ZNF615: variants seen among roughly 807,000 people sequenced by gnomAD.
ZNF615 encodes zinc finger protein 615.
ZNF615 carries 15 observed loss-of-function variants against 15.3 expected under a neutral mutation model. The ratio of observed to expected loss-of-function variants is 0.98; its 90% CI spans 0.66 to 1.51. The LOEUF is 1.51. Ranked by LOEUF, ZNF615 falls within the 40% of genes most tolerant of loss-of-function variation. ZNF615 has a pLI of 0.00. For synonymous variants in ZNF615, 268 were observed against 294.6 expected (o/e 0.91, Z 0.92); for missense variants, 848 against 895.9 (o/e 0.95, Z 0.68).
At position 51,991,935 on chromosome 19, in the gene ZNF615, T is replaced by C. The variant is rs2086246052; in HGVS notation, c.*945A>G. 6.6e-6 allele frequency: 1 copy of C among 152,108 alleles called. No individual in the cohort carries two copies. The highest frequency in any genetic ancestry group is 2.1e-4 in the South Asian group (1 of 4,822). 9.4% of individuals were successfully genotyped at this position (152,108 alleles called of 1,614,324 possible). A position where few individuals can be genotyped will look rare whatever the true frequency, so the allele number is the denominator to read the frequency against. ...AACTCTGGAATATTTTGGTAAGATT[T>C]TGTGAATCTAAACTTATTTCAAAAT... On this transcript the variant is annotated 3_prime_UTR_variant, in exon 7 of 7. Transcript: ENST00000598071.
rs35791043 is a variant in ZNF615 at position 51,992,433 on chromosome 19, G to GT, written c.*446dup. 0.39 allele frequency: 60,171 copies of GT among 153,948 alleles called. 13,128 individuals carry two copies. The highest frequency in any genetic ancestry group is 0.58 in the African/African-American group (24,102 of 41,396). 9.5% of individuals were successfully genotyped at this position (153,948 alleles called of 1,614,324 possible). On this transcript the variant is annotated 3_prime_UTR_variant, in exon 7 of 7. Transcript: ENST00000598071. ...TCTTCTACATTGAATGTTTTCATAA[G>GT]TTTTTTCTGCATTATTTCCTAGCAC...
intron 1 of ZNF615, chr19:52,007,820 GACA>G (rs2086797919): frequency 3.0e-6 from 1 of 335,016 alleles, no homozygotes; most frequent in Non-Finnish European, 5.5e-6. Flanking sequence ...CCCGCCAAAG[GACA>G]ACACCAAAGA....
At chr19:51,999,768 G>A (rs1224018487) in intron 6 of ZNF615, among the ~76,000 whole-genome samples, 3 of 152,206 alleles carry the variant, frequency 2.0e-5, no homozygotes. Flanking sequence ...ATGTCTGATG[G>A]TTTGGGCTAG....
chr19:52,006,610 G>T (rs904402558), intron 2 of ZNF615, among the ~76,000 whole-genome samples: 13 of 152,168 alleles, frequency 8.5e-5, no homozygotes, highest in African/African-American at 3.1e-4. Context: ...TAGAGGAATG[G>T]TACTTATGTC....
At position 51,994,521 on chromosome 19, in the gene ZNF615, A is replaced by C; in HGVS notation, c.588T>G (p.Pro196=). 1.2e-6 allele frequency: 2 copies of C among 1,614,180 alleles called. No individual in the cohort carries two copies. The highest frequency in any genetic ancestry group is 1.7e-6 in the Non-Finnish European group (2 of 1,180,022). Residue 196 remains proline (P), a synonymous_variant, in exon 7 of 7, where the codon CCT becomes CCG. Transcript: ENST00000598071. The part of the protein sequence containing the change: ...TEMKFPAIAK[P]INKSQFIKQQ... ...GCTTAATGAACTGGGACTTATTAAT[A>C]GGTTTTGCAATTGCAGGAAACTTCA...
chr19:52,005,844 T>C (rs968086624), intron 2 of ZNF615, among the ~76,000 whole-genome samples: 2 of 152,214 alleles, frequency 1.3e-5, no homozygotes, highest in Non-Finnish European at 2.9e-5. Context: ...AGATGACTTT[T>C]GAATATAAGG....
Position 52,003,878 on chromosome 19 carries a change from C to A in ZNF615, c.-167G>T. The A allele has an allele frequency of 6.9e-7, 1 of 1,440,956 alleles. No homozygotes were observed. 89.3% of individuals were successfully genotyped at this position (1,440,956 alleles called of 1,614,324 possible). On this transcript the variant is annotated 5_prime_UTR_variant, in exon 3 of 7. It introduces an in-frame stop codon into an upstream open reading frame of the 5' UTR. Coordinates refer to ENST00000598071, the MANE Select transcript of ZNF615 (RefSeq NM_001199324.2). ...TCCGCCTCCTTCCTTCACTTGATTT[C>A]TCTTGTTCTCAGCACCTGTGGGCTG...
chr19:51,992,877 T>C lies in ZNF615; in HGVS notation c.*3A>G, dbSNP rs2086273662. On this transcript the variant is annotated 3_prime_UTR_variant, in exon 7 of 7. Transcript: ENST00000598071. ...CATCTGGCAAGAGGCTTTCCCAAAA[T>C]GACTACCTGTGAATTCTCCTGTGTT... is the stretch of plus-strand genomic sequence containing the variant. The C allele has an allele frequency of 3.7e-6, 6 of 1,612,426 alleles. No individual in the cohort carries two copies. The highest frequency in any genetic ancestry group is 5.1e-6 in the Non-Finnish European group (6 of 1,178,696).
intron 6 of ZNF615, among the ~76,000 whole-genome samples, chr19:51,997,977 T>C (rs2086489728): frequency 6.6e-6 from 1 of 152,248 alleles, no homozygotes; most frequent in Non-Finnish European, 1.5e-5. Context: ...TTTTTATCTT[T>C]GATGATTTTA....
intron 5 of ZNF615, among the ~76,000 whole-genome samples, chr19:52,001,486 TAC>T (rs1299302409): frequency 6.6e-6 from 1 of 151,618 alleles, no homozygotes; most frequent in African/African-American, 2.4e-5. Flanking sequence ...GGCGTGGTGG[TAC>T]GCACCTGTAG....
In ZNF615 at chr19:51,992,895, C is replaced by T. The variant is rs766508685; in HGVS notation, c.2214G>A (p.Arg738=). 6.2e-7 allele frequency: 1 copy of T among 1,613,902 alleles called. No individual in the cohort carries two copies. The highest frequency in any genetic ancestry group is 1.1e-5 in the South Asian group (1 of 91,062). ...CCCAAAATGACTACCTGTGAATTCT[C>T]CTGTGTTTAACAAGGATAGACAAGT... The part of the protein sequence containing the change: ...FAHLSILVKH[R]RIHR The change falls in exon 7 of 7, where the codon AGG becomes AGA. Residue 738 remains arginine, a synonymous_variant. Coordinates refer to ENST00000598071, the MANE Select transcript of ZNF615 (RefSeq NM_001199324.2).
rs768190664 is a variant in ZNF615 at position 52,002,295 on chromosome 19, C to T, written c.16-14G>A. 3.7e-6 allele frequency: 6 copies of T among 1,613,894 alleles called. No homozygotes were observed. The highest frequency in any genetic ancestry group is 5.1e-6 in the Non-Finnish European group (6 of 1,179,816). ...TGTTAGGGATTCCTGTAATAACACA[C>T]TTCTGTTTAATGAAGTCATATTCTT... On this transcript the variant is annotated splice_polypyrimidine_tract_variant and intron_variant, in intron 3 of 6. Transcript: ENST00000598071.
At position 52,001,861 on chromosome 19, in the gene ZNF615, C is replaced by T; in HGVS notation, c.190G>A (p.Glu64Lys). The T allele has an allele frequency of 1.2e-6, 2 of 1,614,184 alleles. No individual in the cohort carries two copies. Among genetic ancestry groups the T allele is most frequent in the Non-Finnish European group, 1.7e-6 (2 of 1,180,034 alleles). The change falls in exon 5 of 7, where the codon GAA (glutamate) becomes AAA (lysine). Residue 64 changes from glutamate to lysine, a missense_variant. Transcript: ENST00000598071. ...TCATCTTCTGTTGTGCAAGTTTCTTCTCCTCGTTCCAATTTGGAGAGTGCA... is the reference window on the plus strand; with the variant it reads ...TCATCTTCTGTTGTGCAAGTTTCTTTTCCTCGTTCCAATTTGGAGAGTGCA... ...PDALSKLERG[E>K]ETCTTEDEIY...
chr19:51,995,721 C>T (rs1052825914), intron 6 of ZNF615, among the ~76,000 whole-genome samples: 5 of 151,992 alleles, frequency 3.3e-5, no homozygotes, highest in African/African-American at 4.8e-5. Context: ...CAGGCATGTG[C>T]CACCACACCC....
rs1163840938 is a variant in ZNF615 at position 51,993,162 on chromosome 19, G to A, written c.1947C>T (p.Cys649=). Residue 649 remains cysteine, a synonymous_variant, in exon 7 of 7, where the codon TGC becomes TGT. Transcript: ENST00000598071. Reference sequence around the variant, plus strand: ...TGTGAAATCGCTGATGTTGTATGAGGCATGTCTTCTTCCTGAAGGTTTTAT... The same window carrying A: ...TGTGAAATCGCTGATGTTGTATGAGACATGTCTTCTTCCTGAAGGTTTTAT... The part of the protein sequence containing the change: ...ECDKTFRKKT[C]LIQHQRFHTG... 7 of 1,614,078 alleles carry A rather than the reference G, an allele frequency of 4.3e-6. No individual in the cohort carries two copies. In the East Asian group the frequency reaches 6.7e-5, roughly 15 times the overall value.
rs776484821 is a variant in ZNF615, at chr19:51,999,639, A to G, written c.271+707T>C. Among the ~76,000 whole-genome samples, 27 of 152,360 alleles carry G rather than the reference A, an allele frequency of 1.8e-4. No individual in the cohort carries two copies. In the South Asian group the frequency reaches 2.1e-3, roughly 12 times the overall value. On this transcript the variant is annotated intron_variant, in intron 6 of 6. Transcript: ENST00000598071. ...GCATTGTATCTCAATAATAGTTTAC[A>G]AATATGATGAAAAAAGCAAAAGCTA... is the stretch of plus-strand genomic sequence containing the variant.
chr19:52,006,207 G>C (rs1234831233), intron 2 of ZNF615, among the ~76,000 whole-genome samples: 7 of 152,116 alleles, frequency 4.6e-5, no homozygotes, highest in Non-Finnish European at 8.8e-5. Context: ...GCTGATGGTA[G>C]TTCAGTAATA....
intron 5 of ZNF615, among the ~76,000 whole-genome samples, chr19:52,000,882 G>A (rs1404934453): frequency 6.6e-6 from 1 of 151,930 alleles, no homozygotes; most frequent in African/African-American, 2.4e-5. Flanking sequence ...GAGCCGAGGA[G>A]GTCAAGGCTA....
At position 52,000,368 on chromosome 19, in the gene ZNF615, ACCT is replaced by A. The variant is rs2086556735; in HGVS notation, c.246_248del (p.Gly83del). The A allele has an allele frequency of 6.3e-6, 4 of 630,232 alleles. No individual in the cohort carries two copies. The highest frequency in any genetic ancestry group is 1.2e-5 in the Non-Finnish European group (4 of 344,376). The allele number at this position is 630,232 out of a possible 1,614,324, so 39.0% of individuals were successfully genotyped here. On this transcript the variant is annotated inframe_deletion, in exon 6 of 7. Coordinates refer to ENST00000598071, the MANE Select transcript of ZNF615 (RefSeq NM_001199324.2). ...AACCTGCATATGCACCTCCTGATGCACCTCCTGAATCTAAAATAAAAACATAAA... is the reference window on the plus strand; with the variant it reads ...AACCTGCATATGCACCTCCTGATGCACCTGAATCTAAAATAAAAACATAAA...
Sources: allele counts gnomAD v4.1 joint callset (sites outside exome capture counted in the v4.1 genomes callset), GRCh38; gene constraint gnomAD v4.1.1; transcripts MANE v1.5; gene names NCBI Gene and HGNC (gene_info 2026-07-23, HGNC 2026-07-21).